The following DYM variants were observed in gnomAD, a reference collection of about 807,000 sequenced individuals.
DYM encodes the protein dyggve-Melchior-Clausen syndrome protein.
DYM carries 78 observed loss-of-function variants against 93.1 expected under a neutral mutation model. That is an observed-to-expected ratio of 0.84 (90% confidence interval 0.70 to 1.01). The LOEUF is 1.01. Ranked by LOEUF, DYM falls within the 50% of genes least tolerant of loss-of-function variation. The pLI is 0.00. For synonymous variants in DYM, 321 were observed against 319.7 expected (o/e 1.00, Z -0.04); for missense variants, 789 against 845.0 (o/e 0.93, Z 0.82).
intron 11 of DYM, among the ~76,000 whole-genome samples, chr18:49,271,579 C>G (rs2094699943): frequency 6.6e-6 from 1 of 151,936 alleles, no homozygotes. Flanking sequence ...GAGTGGGAAT[C>G]AGAAATAGGG....
chr18:49,147,351 G>C (rs200541822), intron 15 of DYM, among the ~76,000 whole-genome samples: 17,243 of 150,448 alleles, frequency 0.11, 1,125 homozygotes, highest in East Asian at 0.26. Context: ...CAAATGGGAT[G>C]TAATTAAACT....
chr18:49,392,994 C>CAAAAAA (rs756183855), intron 2 of DYM, among the ~76,000 whole-genome samples: 2 of 61,900 alleles, frequency 3.2e-5, no homozygotes, highest in African/African-American at 1.2e-4. Context: ...GACTCCATCT[C>CAAAAAA]AAAAAAAAAA....
intron 17 of DYM, among the ~76,000 whole-genome samples, chr18:49,044,479 G>C (rs2071211493): frequency 6.6e-6 from 1 of 152,258 alleles, no homozygotes; most frequent in Admixed American, 6.5e-5. Flanking sequence ...CCCAACAGTG[G>C]TTAAGGTATG....
chr18:49,043,931 T>G lies in DYM; in HGVS notation c.*124A>C, dbSNP rs923106510. On this transcript the variant is annotated 3_prime_UTR_variant, in exon 18 of 18. Coordinates refer to ENST00000675505, the MANE Select transcript of DYM (RefSeq NM_001353214.3). ...ATCAAAGTGTGTGAGGAAAACACAC[T>G]CGTGCAATCCTCTTTAACAGAAGAT... 7 of 1,175,048 alleles carry G rather than the reference T, an allele frequency of 6.0e-6. No individual in the cohort carries two copies. Among genetic ancestry groups the G allele is most frequent in the Non-Finnish European group, 8.6e-6 (7 of 818,654 alleles). The allele number at this position is 1,175,048 out of a possible 1,614,324, so 72.8% of individuals were successfully genotyped here.
Position 49,257,098 on chromosome 18 carries a change from ACTTGTC to A in DYM, c.1366_1371del (p.Asp456_Lys457del). On this transcript the variant is annotated inframe_deletion and splice_region_variant, in exon 13 of 18. Transcript: ENST00000675505. ...GCTGCCAAACAATTTGTGTGAAGGT[ACTTGTC>A]CTGTGAGGAAACAGCGGGTGTAAAA... 1 of 1,613,720 alleles carries A rather than the reference ACTTGTC, an allele frequency of 6.2e-7. No homozygotes were observed. Among genetic ancestry groups the A allele is most frequent in the Non-Finnish European group, 8.5e-7 (1 of 1,179,640 alleles).
intron 1 of DYM, among the ~76,000 whole-genome samples, chr18:49,438,758 T>G (rs963971193): frequency 1.3e-5 from 2 of 152,124 alleles, no homozygotes; most frequent in African/African-American, 4.8e-5. Context: ...GTAAGACCAG[T>G]AGCCACTGAG....
chr18:49,431,729 A>G (rs188254609), intron 1 of DYM: 133 of 152,328 alleles, frequency 8.7e-4, no homozygotes, highest in African/African-American at 3.1e-3. Flanking sequence ...TTTCTTCCTC[A>G]TGTCCCTTCT....
intron 1 of DYM, among the ~76,000 whole-genome samples, chr18:49,443,306 C>T (rs1317049413): frequency 1.3e-5 from 2 of 152,192 alleles, no homozygotes; most frequent in African/African-American, 4.8e-5. Flanking sequence ...CCTGATACAA[C>T]AGCAGACTTG....
At chr18:49,311,282 C>CA (rs2061571440) in intron 8 of DYM, among the ~76,000 whole-genome samples, 2 of 133,370 alleles carry the variant, frequency 1.5e-5, no homozygotes, top group African/African-American at 5.6e-5. Context: ...GAGGGCTTTA[C>CA]AATCTTATTA....
chr18:49,178,591 T>C (rs920693720), intron 14 of DYM, among the ~76,000 whole-genome samples: 3 of 152,208 alleles, frequency 2.0e-5, no homozygotes, highest in African/African-American at 7.2e-5. Context: ...AAGATTCTTA[T>C]GGTTTCAAAT....
At chr18:49,114,791 C>T (rs2081776782) in intron 16 of DYM, among the ~76,000 whole-genome samples, 1 of 152,024 alleles carries the variant, frequency 6.6e-6, no homozygotes, top group African/African-American at 2.4e-5. Flanking sequence ...CTCTCAGAGA[C>T]ATTTTTAAGG....
At chr18:49,206,999 A>T (rs529735090) in intron 14 of DYM, among the ~76,000 whole-genome samples, 17 of 152,314 alleles carry the variant, frequency 1.1e-4, no homozygotes, top group African/African-American at 3.6e-4. Flanking sequence ...GGAATTGGAC[A>T]CTGCTTTCAC....
At chr18:49,096,482 CA>C (rs1339518708) in intron 17 of DYM, among the ~76,000 whole-genome samples, 1 of 152,130 alleles carries the variant, frequency 6.6e-6, no homozygotes, top group Non-Finnish European at 1.5e-5. Context: ...TGAACTGTGA[CA>C]AAACACTATG....
intron 15 of DYM, among the ~76,000 whole-genome samples, chr18:49,135,177 GAA>G (rs1183231413): frequency 6.6e-6 from 1 of 151,998 alleles, no homozygotes; most frequent in Non-Finnish European, 1.5e-5. Context: ...TTAAAAAAGA[GAA>G]AAAATGACTA....
intron 10 of DYM, among the ~76,000 whole-genome samples, chr18:49,276,151 C>T (rs2094841903): frequency 6.6e-6 from 1 of 151,972 alleles, no homozygotes; most frequent in African/African-American, 2.4e-5. Context: ...TGTGGCTGAT[C>T]TCGGGGAGAA....
intron 1 of DYM, among the ~76,000 whole-genome samples, chr18:49,442,011 G>C (rs758150759): frequency 6.6e-6 from 1 of 152,198 alleles, no homozygotes; most frequent in Non-Finnish European, 1.5e-5. Context: ...TCCAAGGCAG[G>C]AGACTGAAGG....
At chr18:49,271,043 CA>C (rs1468930916) in intron 11 of DYM, among the ~76,000 whole-genome samples, 1 of 152,156 alleles carries the variant, frequency 6.6e-6, no homozygotes, top group Non-Finnish European at 1.5e-5. Context: ...CCTGCCCACA[CA>C]CAGGACTTCC....
Position 49,384,322 on chromosome 18 carries a change from C to CAA in DYM, c.194-4566_194-4565dup, listed in dbSNP as rs398032777. 1.0e-3 allele frequency among the ~76,000 whole-genome samples: 68 copies of CAA among 65,816 alleles called. 2 individuals are homozygous for CAA. The highest frequency in any genetic ancestry group is 5.5e-3 in the East Asian group (12 of 2,200). 43.2% of individuals were successfully genotyped at this position (65,816 alleles called of 152,430 possible). On this transcript the variant is annotated intron_variant, in intron 3 of 17. Transcript: ENST00000675505. ...GAGCGACAGAGTGAGACCATGTCTC[C>CAA]AAAAAAAAAAAAAAAAAAAAAGGCT...
intron 15 of DYM, among the ~76,000 whole-genome samples, chr18:49,155,401 T>A (rs1424858643): frequency 2.0e-5 from 3 of 152,218 alleles, no homozygotes; most frequent in African/African-American, 4.8e-5. Context: ...ACAATTCATA[T>A]ACCATATACT....
Sources: gnomAD v4.1 joint callset for allele counts (sites outside exome capture counted in the v4.1 genomes callset) on GRCh38, gnomAD v4.1.1 for gene constraint, MANE v1.5 for transcripts, NCBI Gene and HGNC (gene_info 2026-07-23, HGNC 2026-07-21) for gene names.